ASB16: variants seen among roughly 807,000 people sequenced by gnomAD.
ASB16 encodes the protein ankyrin repeat and SOCS box containing 16, also known as ankyrin repeat and SOCS box protein 16.
In ASB16, 44 loss-of-function variants were observed where a neutral mutation model predicts 39.1. The observed-to-expected ratio is 1.13, with a 90% CI of 0.88 to 1.45. ASB16 has a LOEUF of 1.45. Ranked by LOEUF, ASB16 falls within the 40% of genes most tolerant of loss-of-function variation. The pLI, the probability that ASB16 is intolerant of heterozygous loss-of-function variation, is 0.00. For missense variants in ASB16, 698 were observed against 634.5 expected, an observed-to-expected ratio of 1.10 and a Z score of -1.07; for synonymous variants, 305 against 286.7, an observed-to-expected ratio of 1.06 and a Z score of -0.64.
chr17:44,177,584 C>G, intron 3 of ASB16, 25 bp from the exon 4 acceptor site: 1 of 1,609,548 alleles, frequency 6.2e-7, no homozygotes, highest in Non-Finnish European at 8.5e-7. Context: ...GAGGCATGTG[C>G]CCAAGACCCT....
At position 44,178,776 on chromosome 17, in the gene ASB16, C is replaced by T; in HGVS notation, c.*386C>T. On this transcript the variant is annotated 3_prime_UTR_variant, in exon 5 of 5. Transcript: ENST00000293414. ...GAGCCACTGCGCCTGGTTGCCTGCC[C>T]CTCTTTTCTGTACTCCACGTGCTGT... 1 of 248,330 alleles carries T rather than the reference C, an allele frequency of 4.0e-6. No homozygotes were observed. The highest frequency in any genetic ancestry group is 8.0e-6 in the Non-Finnish European group (1 of 125,488). 15.4% of individuals were successfully genotyped at this position (248,330 alleles called of 1,614,324 possible). A position where few individuals can be genotyped will look rare whatever the true frequency, so the allele number is the denominator to read the frequency against.
chr17:44,177,682 G>A lies in ASB16; in HGVS notation c.1136G>A (p.Cys379Tyr). Residue 379 changes from cysteine to tyrosine, a missense_variant, in exon 4 of 5, where the codon TGT becomes TAT. Coordinates refer to ENST00000293414, the MANE Select transcript of ASB16 (RefSeq NM_080863.5). Reference sequence around the variant, plus strand: ...AATGCCTATCCTTGTGTCCCATCCTGTGAGACCTGGGTGGAGGCGGTGCTC... The same window carrying A: ...AATGCCTATCCTTGTGTCCCATCCTATGAGACCTGGGTGGAGGCGGTGCTC... ...LLNAYPCVPSCETWVEAVLPE... is the reference protein window; with the variant it reads ...LLNAYPCVPSYETWVEAVLPE... The A allele has an allele frequency of 6.2e-7, 1 of 1,613,924 alleles. No homozygotes were observed.
In ASB16 at chr17:44,172,065, C is replaced by G. The variant is rs771519704; in HGVS notation, c.321C>G (p.Pro107=). 1.2e-6 allele frequency: 2 copies of G among 1,612,218 alleles called. No individual in the cohort carries two copies. The highest frequency in any genetic ancestry group is 1.7e-6 in the Non-Finnish European group (2 of 1,179,912). ...SAEQGFWVLT[P]KTKQTAPLAI... ...CCCTAGGGTTCTGGGTGCTGACCCC[C>G]AAGACCAAGCAGACGGCACCCCTCG... Residue 107 remains proline, a synonymous_variant, in exon 2 of 5, where the codon CCC becomes CCG. Transcript: ENST00000293414.
intron 2 of ASB16, among the ~76,000 whole-genome samples, chr17:44,174,436 A>G (rs891771145): frequency 1.3e-5 from 2 of 152,144 alleles, no homozygotes; most frequent in African/African-American, 2.4e-5. Flanking sequence ...AGCTCAGGCA[A>G]TCCTCCTGCC....
intron 2 of ASB16, among the ~76,000 whole-genome samples, chr17:44,174,334 C>T (rs978663089): frequency 3.3e-5 from 5 of 152,076 alleles, no homozygotes; most frequent in Non-Finnish European, 5.9e-5. Context: ...CGTGAGCCAC[C>T]GCGCCCGGCC....
chr17:44,171,238 A>G lies in ASB16; in HGVS notation c.301+148A>G, dbSNP rs2054240595. ...TATCCTAGCTCCCTCCTAAACAGAG[A>G]TGAGGCAGGGTTAGCAGTCTGTATG... On this transcript the variant is annotated intron_variant, in intron 1 of 4. Coordinates refer to ENST00000293414, the MANE Select transcript of ASB16 (RefSeq NM_080863.5). 6 of 883,338 alleles carry G rather than the reference A, an allele frequency of 6.8e-6. 1 individual carries two copies. Among genetic ancestry groups the G allele is most frequent in the South Asian group, 3.7e-5 (2 of 54,676 alleles). 54.7% of individuals were successfully genotyped at this position (883,338 alleles called of 1,614,324 possible).
intron 2 of ASB16, among the ~76,000 whole-genome samples, chr17:44,175,198 G>C (rs1327616627): frequency 1.3e-5 from 2 of 151,096 alleles, no homozygotes; most frequent in African/African-American, 4.9e-5. Context: ...AGGAGATCGA[G>C]ACCATCCTGG....
At chr17:44,173,757 G>A (rs2054262852) in intron 2 of ASB16, among the ~76,000 whole-genome samples, 2 of 152,128 alleles carry the variant, frequency 1.3e-5, no homozygotes, top group South Asian at 4.1e-4. Flanking sequence ...GCTTCAGTGA[G>A]CTATGATCAT....
In ASB16 at chr17:44,171,055, CTG is replaced by C. The variant is rs2054239076; in HGVS notation, c.269_270del (p.Val90GlufsTer9). 1.2e-6 allele frequency: 2 copies of C among 1,614,042 alleles called. No individual in the cohort carries two copies. The highest frequency in any genetic ancestry group is 8.5e-7 in the Non-Finnish European group (1 of 1,180,012). On this transcript the variant is annotated frameshift_variant, in exon 1 of 5. Transcript: ENST00000293414. LOFTEE classifies it high-confidence loss of function. ...GAGGCCGCCAACATGATTGTGGAGA[CTG>C]TGAGCAACCAGCTGGCCTGGTCGGC...
intron 2 of ASB16, among the ~76,000 whole-genome samples, chr17:44,174,866 G>A (rs1219447540): frequency 6.6e-6 from 1 of 152,154 alleles, no homozygotes; most frequent in Admixed American, 6.6e-5. Context: ...CACTTTGGGA[G>A]GCTGAGGCAG....
Position 44,177,001 on chromosome 17 carries a change from G to A in ASB16, c.833G>A (p.Arg278Gln), listed in dbSNP as rs112528052. Residue 278 changes from arginine (R) to glutamine (Q), a missense_variant, in exon 3 of 5, where the codon CGG becomes CAG. Coordinates refer to ENST00000293414, the MANE Select transcript of ASB16 (RefSeq NM_080863.5). ...RRLLEAGADA[R>Q]AAGRKRHTPL... The stretch of plus-strand genomic sequence containing the variant: ...CTCCTGGAGGCTGGAGCTGATGCCC[G>A]GGCGGCCGGGCGCAAGCGCCACACG... The A allele has an allele frequency of 7.4e-6, 11 of 1,488,410 alleles. No individual in the cohort carries two copies. The highest frequency in any genetic ancestry group is 3.0e-5 in the African/African-American group (2 of 67,726). 92.2% of individuals were successfully genotyped at this position (1,488,410 alleles called of 1,614,324 possible). A position where few individuals can be genotyped will look rare whatever the true frequency, so the allele number is the denominator to read the frequency against.
chr17:44,178,359 T>C lies in ASB16; in HGVS notation c.1331T>C (p.Leu444Pro). Residue 444 changes from leucine (L) to proline (P), a missense_variant, in exon 5 of 5, where the codon CTG (leucine) becomes CCG (proline). Physicochemically the swap from Leu to Pro is moderately conservative, Grantham distance 98. Transcript: ENST00000293414. ...CTGCCCCCGCTCCTCAGGGACTACC[T>C]GCTGCTGCGTGTGGAGGGGTGCATC... ...LPLPPLLRDY[L>P]LLRVEGCIQ The C allele has an allele frequency of 6.2e-7, 1 of 1,608,640 alleles. No homozygotes were observed. Among genetic ancestry groups the C allele is most frequent in the Non-Finnish European group, 8.5e-7 (1 of 1,177,524 alleles).
At chr17:44,177,252 T>C (rs1249364593) in intron 3 of ASB16, 22 bp downstream of exon 3, 4 of 1,520,934 alleles carry the variant, frequency 2.6e-6, no homozygotes, top group Non-Finnish European at 3.5e-6. Flanking sequence ...GGCCCTGACA[T>C]AGGAGGCTCC....
intron 4 of ASB16, 64 bp from the exon 5 acceptor site, chr17:44,178,141 A>AC: frequency 6.4e-7 from 1 of 1,572,422 alleles, no homozygotes; most frequent in Non-Finnish European, 8.7e-7. Flanking sequence ...CAGGACCCCC[A>AC]CCGCTGGGTT....
rs1182104138 is a variant in ASB16, at chr17:44,176,993, T to A, written c.825T>A (p.Ala275=). ...AAARRLLEAG[A]DARAAGRKRH... is the part of the protein sequence containing the mutation. ...CGCGCCGGCTCCTGGAGGCTGGAGCTGATGCCCGGGCGGCCGGGCGCAAGC... is the reference window on the plus strand; with the variant it reads ...CGCGCCGGCTCCTGGAGGCTGGAGCAGATGCCCGGGCGGCCGGGCGCAAGC... Residue 275 remains alanine, a synonymous_variant, in exon 3 of 5, where the codon GCT becomes GCA. Coordinates refer to ENST00000293414, the MANE Select transcript of ASB16 (RefSeq NM_080863.5). 6.7e-7 allele frequency: 1 copy of A among 1,490,402 alleles called. No homozygotes were observed. The highest frequency in any genetic ancestry group is 2.4e-5 in the Admixed American group (1 of 41,338). 92.3% of individuals were successfully genotyped at this position (1,490,402 alleles called of 1,614,324 possible).
At chr17:44,173,391 CA>C (rs960017501) in intron 2 of ASB16, among the ~76,000 whole-genome samples, 89 of 133,376 alleles carry the variant, frequency 6.7e-4, no homozygotes, top group Admixed American at 1.2e-3. Flanking sequence ...GACTCCATCT[CA>C]AAAAAAAAAA....
At chr17:44,178,077 T>G in intron 4 of ASB16, 128 bp from the exon 5 acceptor site, 1 of 975,318 alleles carries the variant, frequency 1.0e-6, no homozygotes, top group Non-Finnish European at 1.5e-6. Context: ...TGGTTCTGAA[T>G]CTGAGTCCTT....
Position 44,178,311 on chromosome 17 carries a change from G to A in ASB16, c.1283G>A (p.Arg428Gln), listed in dbSNP as rs140865656. Residue 428 changes from arginine to glutamine, a missense_variant, in exon 5 of 5, where the codon CGG becomes CAG. Arg to Gln is a conservative substitution (Grantham distance 43). Coordinates refer to ENST00000293414, the MANE Select transcript of ASB16 (RefSeq NM_080863.5). ...CGCGCTCGGTTGGGAAGCCGCTGCC[G>A]GCAGGGTGCCACCCGGCTGCCACTG... ...AVRARLGSRC[R>Q]QGATRLPLPP... 2.8e-3 allele frequency: 4,558 copies of A among 1,612,004 alleles called. 13 individuals carry two copies. Among genetic ancestry groups the A allele is most frequent in the Non-Finnish European group, 3.2e-3 (3,777 of 1,179,508 alleles).
rs1598120601 is a variant in ASB16 at position 44,170,909 on chromosome 17, G to T, written c.120G>T (p.Arg40Ser). 6.2e-7 allele frequency: 1 copy of T among 1,612,588 alleles called. No individual in the cohort carries two copies. The highest frequency in any genetic ancestry group is 2.2e-5 in the East Asian group (1 of 44,848). ...CTGCCCAGCAGTGCCGGAGCCGCAG[G>T]TGCCCGTCAAGTCCCCGGGCCCGAC... Reference protein sequence around the residue: ...RAAAQQCRSRRCPSSPRARLT... With the variant: ...RAAAQQCRSRSCPSSPRARLT... The change falls in exon 1 of 5, where the codon AGG (arginine) becomes AGT (serine). Residue 40 changes from arginine (R) to serine (S), a missense_variant. Coordinates refer to ENST00000293414, the MANE Select transcript of ASB16 (RefSeq NM_080863.5).
Sources: allele counts gnomAD v4.1 joint callset (sites outside exome capture counted in the v4.1 genomes callset), GRCh38; gene constraint gnomAD v4.1.1; transcripts MANE v1.5; gene names NCBI Gene and HGNC (gene_info 2026-07-23, HGNC 2026-07-21).